The following ICOS variants were observed in gnomAD, a reference collection of about 807,000 sequenced individuals.
ICOS encodes the protein inducible T-cell costimulator.
ICOS carries 15 observed loss-of-function variants against 24.6 expected under a neutral mutation model. The ratio of observed to expected loss-of-function variants is 0.61; its 90% CI spans 0.41 to 0.94. ICOS has a LOEUF of 0.94. Ranked by LOEUF, ICOS falls within the 40% of genes least tolerant of loss-of-function variation. The pLI is 0.00. For missense variants in ICOS, 200 were observed against 233.0 expected (o/e 0.86, Z 0.92); for synonymous variants, 89 against 77.5 (o/e 1.15, Z -0.78).
intron 1 of ICOS, among the ~76,000 whole-genome samples, chr2:203,943,960 G>C (rs1178770306): frequency 6.6e-6 from 1 of 152,146 alleles, no homozygotes; most frequent in Non-Finnish European, 1.5e-5. Flanking sequence ...CAGATCCCAT[G>C]CAAACGGAAG....
intron 1 of ICOS, among the ~76,000 whole-genome samples, chr2:203,943,944 C>A (rs953833138): frequency 9.2e-5 from 14 of 152,076 alleles, no homozygotes; most frequent in Admixed American, 4.6e-4. Flanking sequence ...AGTCACAGGT[C>A]TCATCCAGAT....
Position 203,959,450 on chromosome 2 carries a change from G to T in ICOS, c.587-136G>T, listed in dbSNP as rs926517482. ...ATAAAGATGAGTTTGCATGGTGTGT[G>T]TGTGAGTGTGTGTGTGTGTGTGTGT... On this transcript the variant is annotated intron_variant, in intron 4 of 4. Coordinates refer to ENST00000316386, the MANE Select transcript of ICOS (RefSeq NM_012092.4). 4.5e-5 allele frequency: 33 copies of T among 732,952 alleles called. No homozygotes were observed. In the Admixed American group the frequency reaches 6.6e-4, roughly 15 times the overall value. 45.4% of individuals were successfully genotyped at this position (732,952 alleles called of 1,614,324 possible).
intron 4 of ICOS, among the ~76,000 whole-genome samples, chr2:203,958,966 AG>A (rs1247397996): frequency 6.6e-6 from 1 of 152,136 alleles, no homozygotes; most frequent in Non-Finnish European, 1.5e-5. Flanking sequence ...GTGAGGGGGC[AG>A]GGAGAGTGAG....
intron 2 of ICOS, among the ~76,000 whole-genome samples, chr2:203,956,206 T>C (rs541028973): frequency 6.6e-6 from 1 of 152,218 alleles, no homozygotes; most frequent in Admixed American, 6.5e-5. Context: ...CAGAAATAGA[T>C]CATATTGCCT....
At chr2:203,938,000 A>G (rs1479643598) in intron 1 of ICOS, among the ~76,000 whole-genome samples, 1 of 152,200 alleles carries the variant, frequency 6.6e-6, no homozygotes, top group East Asian at 1.9e-4. Context: ...CCATTTACTC[A>G]TGTAGCATTG....
At position 203,936,841 on chromosome 2, in the gene ICOS, T is replaced by C. The variant is rs1689659607; in HGVS notation, c.27T>C (p.Phe9=). Residue 9 remains phenylalanine, a synonymous_variant, in exon 1 of 5, where the codon TTT becomes TTC. Coordinates refer to ENST00000316386, the MANE Select transcript of ICOS (RefSeq NM_012092.4). The part of the protein sequence containing the change: MKSGLWYF[F]LFCLRIKVLT... Reference sequence around the variant, plus strand: ...TGAAGTCAGGCCTCTGGTATTTCTTTCTCTTCTGCTTGCGCATTAAAGTTT... The same window carrying C: ...TGAAGTCAGGCCTCTGGTATTTCTTCCTCTTCTGCTTGCGCATTAAAGTTT... The C allele has an allele frequency of 3.7e-6, 6 of 1,613,020 alleles. No homozygotes were observed. Among genetic ancestry groups the C allele is most frequent in the Non-Finnish European group, 5.1e-6 (6 of 1,179,340 alleles).
At chr2:203,958,499 G>A (rs1325644473) in intron 4 of ICOS, among the ~76,000 whole-genome samples, 1 of 152,170 alleles carries the variant, frequency 6.6e-6, no homozygotes, top group Non-Finnish European at 1.5e-5. Flanking sequence ...AGTTTGAGGA[G>A]CACCCAGAAA....
At chr2:203,940,878 G>C (rs951678316) in intron 1 of ICOS, among the ~76,000 whole-genome samples, 2 of 152,064 alleles carry the variant, frequency 1.3e-5, no homozygotes, top group African/African-American at 4.8e-5. Context: ...CCACCTCCCG[G>C]GTTGAAGCGA....
At chr2:203,937,212 C>G (rs1689668314) in intron 1 of ICOS, among the ~76,000 whole-genome samples, 1 of 152,130 alleles carries the variant, frequency 6.6e-6, no homozygotes, top group African/African-American at 2.4e-5. Flanking sequence ...CTTGTGTCAA[C>G]AGAATGAAAA....
At chr2:203,956,098 G>C in intron 2 of ICOS, 127 bp downstream of exon 2, 2 of 653,548 alleles carry the variant, frequency 3.1e-6, no homozygotes, top group South Asian at 3.8e-5. Context: ...GCAGTTGATG[G>C]TAATCATTTA....
chr2:203,950,789 C>T (rs144980698), intron 1 of ICOS, among the ~76,000 whole-genome samples: 24 of 152,148 alleles, frequency 1.6e-4, no homozygotes, highest in East Asian at 1.9e-4. Context: ...AGGCCAGGTG[C>T]GGTGGCTCAC....
In ICOS at chr2:203,941,900, G is replaced by T. The variant is rs367786725; in HGVS notation, c.58+5028G>T. On this transcript the variant is annotated intron_variant, in intron 1 of 4. Transcript: ENST00000316386. ...TGTAAGGTTGACCAAAACAGGTAAA[G>T]ATTTGCAAGTTTAGAGAGTCAGAAA... Among the ~76,000 whole-genome samples, 21 of 152,242 alleles carry T rather than the reference G, an allele frequency of 1.4e-4. 1 individual carries two copies. The South Asian group carries it at 4.4e-3, about 32-fold the overall frequency.
intron 1 of ICOS, among the ~76,000 whole-genome samples, chr2:203,944,423 C>T (rs1238060693): frequency 2.0e-5 from 3 of 152,186 alleles, no homozygotes; most frequent in Non-Finnish European, 4.4e-5. Flanking sequence ...TCAGCTTCTC[C>T]GGTCAGAGTG....
Position 203,955,976 on chromosome 2 carries a change from G to A in ICOS, c.394+5G>A. ...GAGGATATTTGCATATTTATGGTAAGACATTGCTTTCATCTTCCAAACTTA... is the reference window on the plus strand; with the variant it reads ...GAGGATATTTGCATATTTATGGTAAAACATTGCTTTCATCTTCCAAACTTA... On this transcript the variant is annotated splice_donor_5th_base_variant and intron_variant, in intron 2 of 4. Coordinates refer to ENST00000316386, the MANE Select transcript of ICOS (RefSeq NM_012092.4). 1 of 1,589,458 alleles carries A rather than the reference G, an allele frequency of 6.3e-7. No homozygotes were observed. The highest frequency in any genetic ancestry group is 1.7e-5 in the Admixed American group (1 of 59,808).
intron 1 of ICOS, among the ~76,000 whole-genome samples, chr2:203,949,980 A>G (rs1689941303): frequency 1.3e-5 from 2 of 152,236 alleles, no homozygotes; most frequent in African/African-American, 4.8e-5. Flanking sequence ...TAAATTGTCT[A>G]TCCATTAAAT....
chr2:203,956,855 A>G (rs1449059189), intron 3 of ICOS, 90 bp downstream of exon 3: 4 of 889,326 alleles, frequency 4.5e-6, no homozygotes, highest in Non-Finnish European at 7.4e-6. Flanking sequence ...CTCTTGTCAG[A>G]GTAATTTGAC....
rs368868881 is a variant in ICOS, at chr2:203,939,074, A to C, written c.58+2202A>C. ...CAATTTACATAGGCTTTCTCATGCC[A>C]TGAAGATGTAGGCATTCTTACCTTT... On this transcript the variant is annotated intron_variant, in intron 1 of 4. Coordinates refer to ENST00000316386, the MANE Select transcript of ICOS (RefSeq NM_012092.4). Among the ~76,000 whole-genome samples, 5 of 152,242 alleles carry C rather than the reference A, an allele frequency of 3.3e-5. No homozygotes were observed. The East Asian group carries it at 9.6e-4, about 29-fold the overall frequency.
At chr2:203,951,835 A>C (rs575673926) in intron 1 of ICOS, among the ~76,000 whole-genome samples, 49 of 152,336 alleles carry the variant, frequency 3.2e-4, no homozygotes, top group African/African-American at 1.2e-3. Flanking sequence ...TCAAAGCAAC[A>C]GTGGGGCAAC....
At chr2:203,936,906 A>G in intron 1 of ICOS, 34 bp downstream of exon 1, 4 of 1,443,094 alleles carry the variant, frequency 2.8e-6, no homozygotes, top group Non-Finnish European at 3.9e-6. Context: ...TTATTAAGTT[A>G]TAATTCAAGT....
Sources: allele counts gnomAD v4.1 joint callset (sites outside exome capture counted in the v4.1 genomes callset), GRCh38; gene constraint gnomAD v4.1.1; transcripts MANE v1.5; gene names NCBI Gene and HGNC (gene_info 2026-07-23, HGNC 2026-07-21).